COPG2: variants seen among roughly 807,000 people sequenced by gnomAD.
The protein encoded by COPG2 is coatomer subunit gamma-2.
COPG2 carries 37 observed loss-of-function variants against 46.3 expected under a neutral mutation model. The ratio of observed to expected loss-of-function variants is 0.80; its 90% CI spans 0.61 to 1.05. The LOEUF (loss-of-function observed/expected upper bound fraction) is 1.05. Ranked by LOEUF, COPG2 falls within the 50% of genes least tolerant of loss-of-function variation. The pLI is 0.00. For missense variants in COPG2, 427 were observed against 387.8 expected, an observed-to-expected ratio of 1.10 and a Z score of -0.85; for synonymous variants, 159 against 129.7, an observed-to-expected ratio of 1.23 and a Z score of -1.53.
At chr7:130,594,684 T>TA (rs1794493205) in intron 9 of COPG2, among the ~76,000 whole-genome samples, 1 of 152,172 alleles carries the variant, frequency 6.6e-6, no homozygotes, top group African/African-American at 2.4e-5. Flanking sequence ...CCTAATTTTT[T>TA]AAATGGGCAA....
Position 130,526,562 on chromosome 7 carries a change from G to T in COPG2, c.2150-17903C>A, listed in dbSNP as rs1021307089. Among the ~76,000 whole-genome samples, 5 of 152,140 alleles carry T rather than the reference G, an allele frequency of 3.3e-5. No homozygotes were observed. The East Asian group carries it at 9.7e-4, about 30-fold the overall frequency. On this transcript the variant is annotated intron_variant, in intron 20 of 23. Transcript: ENST00000425248. The stretch of plus-strand genomic sequence containing the variant: ...CCCAGGGAAGGATGGAGGGCAGAAA[G>T]CGTGGTGGAAGGGAGCTGGGCAGGA...
chr7:130,667,773 T>C (rs1796117375), intron 1 of COPG2, among the ~76,000 whole-genome samples: 1 of 152,230 alleles, frequency 6.6e-6, no homozygotes, highest in Non-Finnish European at 1.5e-5. Context: ...GTGTCTTCTT[T>C]CCCTGCCCTC....
At chr7:130,595,086 T>C (rs1010589861) in intron 9 of COPG2, among the ~76,000 whole-genome samples, 1 of 152,168 alleles carries the variant, frequency 6.6e-6, no homozygotes, top group Non-Finnish European at 1.5e-5. Flanking sequence ...GCATTATTCA[T>C]TAATAGCCAA....
intron 20 of COPG2, among the ~76,000 whole-genome samples, chr7:130,525,333 G>C (rs1337972622): frequency 6.6e-6 from 1 of 152,162 alleles, no homozygotes; most frequent in South Asian, 2.1e-4. Context: ...ATCAAGGCCA[G>C]ACTGTAGGAT....
chr7:130,616,998 T>C lies in COPG2; in HGVS notation c.391A>G (p.Ile131Val), dbSNP rs1794961731. Residue 131 changes from isoleucine (I) to valine (V), a missense_variant, in exon 6 of 24, where the codon ATC becomes GTC. Transcript: ENST00000425248. ...RGPAIRALCR[I>V]TDGTMLQAIE... The stretch of plus-strand genomic sequence containing the variant: ...TGAAACAGATAACTTACATCGGTGA[T>C]CCTGCAGAGAGCTCTGATGGCCGGG... 6.2e-7 allele frequency: 1 copy of C among 1,608,058 alleles called. No individual in the cohort carries two copies. Among genetic ancestry groups the C allele is most frequent in the Non-Finnish European group, 8.5e-7 (1 of 1,175,290 alleles).
chr7:130,513,542 A>G (rs1467767886), intron 20 of COPG2, among the ~76,000 whole-genome samples: 1 of 151,450 alleles, frequency 6.6e-6, no homozygotes, highest in Admixed American at 6.6e-5. Context: ...GAAAGAGAAT[A>G]CAAAGAGTAA....
intron 5 of COPG2, among the ~76,000 whole-genome samples, chr7:130,638,448 G>A (rs941723214): frequency 2.6e-5 from 4 of 152,116 alleles, no homozygotes; most frequent in Admixed American, 1.3e-4. Flanking sequence ...CTAGAGAGGC[G>A]GTCTGGCTAC....
In COPG2 at chr7:130,667,491, A is replaced by T. The variant is rs781843799; in HGVS notation, c.81T>A (p.Val27=). ...TACTTCCCAGTCATACCTCCTGTAA[A>T]ACAGCACTCTTCTCCAGATGCTGGA... ...NPFQHLEKSA[V]LQEARIFNET... is the part of the protein sequence containing the mutation. Residue 27 remains valine, a synonymous_variant, in exon 2 of 24, where the codon GTT becomes GTA. Coordinates refer to ENST00000425248, the MANE Select transcript of COPG2 (RefSeq NM_012133.6). 6.2e-7 allele frequency: 1 copy of T among 1,613,428 alleles called. No homozygotes were observed. The highest frequency in any genetic ancestry group is 8.5e-7 in the Non-Finnish European group (1 of 1,179,584).
chr7:130,605,593 T>C (rs1421320054), intron 9 of COPG2: 3 of 405,528 alleles, frequency 7.4e-6, no homozygotes, highest in East Asian at 7.1e-5. Flanking sequence ...TAGTTGCTCA[T>C]TGAAAGCATG....
At chr7:130,509,700 CATG>C in intron 20 of COPG2, 1 of 519,574 alleles carries the variant, frequency 1.9e-6, no homozygotes, top group East Asian at 5.4e-5. Context: ...ATGACTGAGA[CATG>C]ATCTCTGTCT....
chr7:130,607,931 C>T (rs35780462), intron 9 of COPG2: 16,125 of 460,006 alleles, frequency 0.035, 451 homozygotes, highest in Non-Finnish European at 0.046. Context: ...CACCACTCCC[C>T]AATATTTTCA....
In COPG2 at chr7:130,609,319, T is replaced by C. The variant is rs551161030; in HGVS notation, c.737+1634A>G. Among the ~76,000 whole-genome samples, 6 of 152,312 alleles carry C rather than the reference T, an allele frequency of 3.9e-5. No individual in the cohort carries two copies. The South Asian group carries it at 1.0e-3, about 26-fold the overall frequency. On this transcript the variant is annotated intron_variant, in intron 9 of 23. Transcript: ENST00000425248. Reference sequence around the variant, plus strand: ...GAATCATGGGGGCAAGTGTTTCCCATGCTGTTCTCATGACAGTAAGTCTCA... The same window carrying C: ...GAATCATGGGGGCAAGTGTTTCCCACGCTGTTCTCATGACAGTAAGTCTCA...
chr7:130,515,999 G>A (rs1799674911), intron 20 of COPG2, among the ~76,000 whole-genome samples: 1 of 152,140 alleles, frequency 6.6e-6, no homozygotes, highest in Non-Finnish European at 1.5e-5. Context: ...TGTGCAGTCT[G>A]AACAGTGAGT....
chr7:130,575,764 C>G (rs1793989650), intron 9 of COPG2, among the ~76,000 whole-genome samples: 1 of 152,292 alleles, frequency 6.6e-6, no homozygotes, highest in South Asian at 2.1e-4. Context: ...CTTAAATGCT[C>G]CACTTAAAAG....
At chr7:130,645,812 T>C (rs1795584621) in intron 5 of COPG2, among the ~76,000 whole-genome samples, 1 of 152,208 alleles carries the variant, frequency 6.6e-6, no homozygotes, top group Non-Finnish European at 1.5e-5. Flanking sequence ...ACTAAAGCTT[T>C]GGCCAACTTT....
chr7:130,627,914 G>A (rs938883410), intron 5 of COPG2, among the ~76,000 whole-genome samples: 4 of 152,178 alleles, frequency 2.6e-5, no homozygotes, highest in Non-Finnish European at 5.9e-5. Flanking sequence ...CTCTGAGGAT[G>A]TAGTTTTACC....
chr7:130,607,966 T>G (rs1298237428), intron 9 of COPG2, among the ~76,000 whole-genome samples: 1 of 152,194 alleles, frequency 6.6e-6, no homozygotes, highest in Non-Finnish European at 1.5e-5. Flanking sequence ...ATCTTCATTT[T>G]GGGAAGGTAT....
intron 9 of COPG2, among the ~76,000 whole-genome samples, chr7:130,570,932 C>G (rs1793885575): frequency 6.6e-6 from 1 of 151,960 alleles, no homozygotes; most frequent in South Asian, 2.1e-4. Flanking sequence ...ACAAAGAAAG[C>G]AAAACATAAA....
chr7:130,665,199 T>C (rs1272559023), intron 3 of COPG2, among the ~76,000 whole-genome samples: 2 of 152,082 alleles, frequency 1.3e-5, no homozygotes, highest in African/African-American at 2.4e-5. Flanking sequence ...AAAAAATCTA[T>C]GTGCTTGTTG....
Sources: gnomAD v4.1 joint callset for allele counts (sites outside exome capture counted in the v4.1 genomes callset) on GRCh38, gnomAD v4.1.1 for gene constraint, MANE v1.5 for transcripts, NCBI Gene and HGNC (gene_info 2026-07-23, HGNC 2026-07-21) for gene names.